Variants in OR1J2 observed in about 807,000 individuals in gnomAD.
OR1J2 encodes the protein olfactory receptor 1J2.
For synonymous variants in OR1J2, 142 were observed against 99.7 expected, an observed-to-expected ratio of 1.42 and a Z score of -2.52; for missense variants, 304 against 246.1, an observed-to-expected ratio of 1.24 and a Z score of -1.57.
At chr9:122,465,067 G>A in the OR1J2 span, among the ~76,000 whole-genome samples, 2 of 152,030 alleles carry the variant, frequency 1.3e-5, no homozygotes, top group African/African-American at 4.8e-5. Flanking sequence ...CGAGTTGGCC[G>A]TTTAAAAGCC....
chr9:122,480,778 C>CT, the OR1J2 span, among the ~76,000 whole-genome samples: 7 of 151,924 alleles, frequency 4.6e-5, no homozygotes, highest in African/African-American at 1.7e-4. Context: ...CATCCACCCT[C>CT]TATTTTTTAT....
the OR1J2 span, chr9:122,519,679 A>T: frequency 2.5e-6 from 4 of 1,613,960 alleles, no homozygotes; most frequent in South Asian, 4.4e-5. Context: ...TTCTTCTGTG[A>T]TCTTGTTGCC....
At chr9:122,551,614 T>C in the OR1J2 span, among the ~76,000 whole-genome samples, 1 of 152,124 alleles carries the variant, frequency 6.6e-6, no homozygotes, top group South Asian at 2.1e-4. Flanking sequence ...GTACACTGCA[T>C]TGCCAGCAAG....
At chr9:122,566,628 G>T in the OR1J2 span, among the ~76,000 whole-genome samples, 1 of 152,066 alleles carries the variant, frequency 6.6e-6, no homozygotes, top group Non-Finnish European at 1.5e-5. Context: ...GTTTTAGGTT[G>T]TTGCCATTTT....
At chr9:122,567,905 A>T in the OR1J2 span, 12 of 1,613,636 alleles carry the variant, frequency 7.4e-6, no homozygotes, top group South Asian at 2.2e-5. Context: ...CAAATATGGA[A>T]GAGCAGGACA....
At chr9:122,580,209 A>G in the OR1J2 span, among the ~76,000 whole-genome samples, 1 of 152,232 alleles carries the variant, frequency 6.6e-6, no homozygotes, top group Non-Finnish European at 1.5e-5. Context: ...GACAGTAGAA[A>G]AAGCAAAAAC....
the OR1J2 span, among the ~76,000 whole-genome samples, chr9:122,465,983 G>A: frequency 1.4e-4 from 22 of 152,216 alleles, no homozygotes; most frequent in Admixed American, 2.6e-4. Flanking sequence ...AGCCATTGCC[G>A]CAGAATTCCC....
the OR1J2 span, among the ~76,000 whole-genome samples, chr9:122,491,344 C>T: frequency 1.3e-5 from 2 of 151,576 alleles, no homozygotes; most frequent in African/African-American, 2.4e-5. Context: ...AATTCATGGA[C>T]TGTCAACATA....
At chr9:122,509,581 T>G (rs1473557943), upstream of OR1J2, among the ~76,000 whole-genome samples, 7 of 152,052 alleles carry the variant, frequency 4.6e-5, no homozygotes. Flanking sequence ...TCACAAGAAA[T>G]CCACAACCAC....
At chr9:122,449,409 G>A in the OR1J2 span, among the ~76,000 whole-genome samples, 664 of 151,986 alleles carry the variant, frequency 4.4e-3, 3 homozygotes, top group African/African-American at 0.014. Context: ...TCGCTCTGTC[G>A]CCCAGGCTGG....
downstream of OR1J2, among the ~76,000 whole-genome samples, chr9:122,515,935 A>G (rs1442504329): frequency 6.6e-6 from 1 of 152,142 alleles, no homozygotes; most frequent in Non-Finnish European, 1.5e-5. Context: ...TGAATATAAG[A>G]CACTGAGTTT....
chr9:122,455,363 A>G, the OR1J2 span, among the ~76,000 whole-genome samples: 1 of 152,144 alleles, frequency 6.6e-6, no homozygotes, highest in Non-Finnish European at 1.5e-5. Context: ...TCTTTGAACT[A>G]TTTGTTTATC....
the OR1J2 span, among the ~76,000 whole-genome samples, chr9:122,468,024 T>C: frequency 3.2e-4 from 48 of 152,320 alleles, no homozygotes; most frequent in African/African-American, 1.0e-3. Flanking sequence ...TGAAAGTTTT[T>C]CCTATTTTCT....
At chr9:122,553,712 C>G in the OR1J2 span, 1 of 1,614,020 alleles carries the variant, frequency 6.2e-7, no homozygotes, top group Non-Finnish European at 8.5e-7. Flanking sequence ...TGTTGCTGAC[C>G]CGCGTGGCTT....
At chr9:122,571,000 C>T in the OR1J2 span, among the ~76,000 whole-genome samples, 1 of 152,084 alleles carries the variant, frequency 6.6e-6, no homozygotes, top group Admixed American at 6.5e-5. Flanking sequence ...AAATTTGAAC[C>T]TTAAGCCTCT....
At chr9:122,545,919 G>GAAA in the OR1J2 span, among the ~76,000 whole-genome samples, 44,561 of 149,798 alleles carry the variant, frequency 0.3, 7,485 homozygotes, top group East Asian at 0.82. Context: ...GCAAAAGAAT[G>GAAA]AAAAAAAAAC....
the OR1J2 span, among the ~76,000 whole-genome samples, chr9:122,500,761 TAGG>T: frequency 4.6e-5 from 7 of 152,140 alleles, no homozygotes; most frequent in Non-Finnish European, 8.8e-5. Flanking sequence ...TGTAACAAAA[TAGG>T]AGTCACTGAA....
the OR1J2 span, among the ~76,000 whole-genome samples, chr9:122,543,393 G>C: frequency 1.5e-4 from 23 of 152,206 alleles, no homozygotes; most frequent in African/African-American, 5.5e-4. Context: ...TGTAGAGATG[G>C]GGTTTTGCCA....
At chr9:122,477,525 G>A in the OR1J2 span, 6 of 1,613,986 alleles carry the variant, frequency 3.7e-6, no homozygotes, top group Non-Finnish European at 5.1e-6. Context: ...GAGTCATGAT[G>A]GTGGCATAAT....
Sources: gnomAD v4.1 joint callset for allele counts (sites outside exome capture counted in the v4.1 genomes callset) on GRCh38, gnomAD v4.1.1 for gene constraint, MANE v1.5 for transcripts, NCBI Gene and HGNC (gene_info 2026-07-23, HGNC 2026-07-21) for gene names.